STX3: variants seen among roughly 807,000 people sequenced by gnomAD.
STX3 encodes syntaxin 3.
A neutral mutation model predicts 40.2 loss-of-function variants in STX3; 19 were observed. The ratio of observed to expected loss-of-function variants is 0.47; its 90% confidence interval spans 0.33 to 0.69. The LOEUF is 0.69. Ranked by LOEUF, STX3 falls within the 30% of genes least tolerant of loss-of-function variation. The pLI is 0.02. For missense variants in STX3, 364 were observed against 366.7 expected, an observed-to-expected ratio of 0.99 and a Z score of 0.06; for synonymous variants, 122 against 132.2, an observed-to-expected ratio of 0.92 and a Z score of 0.53.
At chr11:59,769,427 A>G (rs898233669) in intron 1 of STX3, among the ~76,000 whole-genome samples, 1 of 152,130 alleles carries the variant, frequency 6.6e-6, no homozygotes, top group African/African-American at 2.4e-5. Flanking sequence ...CAGTCCTCAT[A>G]AAGGTCATAA....
chr11:59,782,521 T>C (rs1182480677), intron 2 of STX3, among the ~76,000 whole-genome samples: 1 of 152,032 alleles, frequency 6.6e-6, no homozygotes, highest in African/African-American at 2.4e-5. Flanking sequence ...AAAGTGGGAG[T>C]TGTGATAATT....
intron 1 of STX3, among the ~76,000 whole-genome samples, chr11:59,759,291 C>CT (rs1270395848): frequency 6.6e-6 from 1 of 152,178 alleles, no homozygotes; most frequent in Non-Finnish European, 1.5e-5. Context: ...CTTAATCACT[C>CT]TCGCATTGGT....
At chr11:59,766,441 G>A (rs1863287239) in intron 1 of STX3, among the ~76,000 whole-genome samples, 1 of 152,092 alleles carries the variant, frequency 6.6e-6, no homozygotes, top group Non-Finnish European at 1.5e-5. Flanking sequence ...AGTGTATAAA[G>A]CAGATAAAAG....
At chr11:59,754,644 C>G (rs1374009092), upstream of STX3, 1 of 152,170 alleles carries the variant, frequency 6.6e-6, no homozygotes, top group African/African-American at 2.4e-5. Flanking sequence ...TATTTTAAAG[C>G]CCCTCCTCGC....
chr11:59,797,252 T>TG (rs1321575523), intron 9 of STX3, 31 bp from the exon 10 acceptor site: 1 of 1,567,634 alleles, frequency 6.4e-7, no homozygotes. Flanking sequence ...TTTGTAATAA[T>TG]GATTTGTTTT....
chr11:59,774,850 A>G (rs1291833060), intron 2 of STX3, among the ~76,000 whole-genome samples: 3 of 122,902 alleles, frequency 2.4e-5, no homozygotes, highest in African/African-American at 3.8e-5. Context: ...CAACAACAAC[A>G]AAAACCAAGA....
intron 2 of STX3, among the ~76,000 whole-genome samples, chr11:59,779,960 G>A (rs1864248165): frequency 2.0e-5 from 3 of 152,192 alleles, no homozygotes; most frequent in Admixed American, 2.0e-4. Flanking sequence ...AATATTGGAT[G>A]ACAATGACCT....
rs1187646132 is a variant in STX3, at chr11:59,802,623, G to T, written c.*1799G>T. On this transcript the variant is annotated 3_prime_UTR_variant, in exon 11 of 11. Coordinates refer to ENST00000337979, the MANE Select transcript of STX3 (RefSeq NM_004177.5). Reference sequence around the variant, plus strand: ...TGGAATACAACATGTGAAGGTTTTTGTTGTTGTTTGTATTTTTTAGATGTA... The same window carrying T: ...TGGAATACAACATGTGAAGGTTTTTTTTGTTGTTTGTATTTTTTAGATGTA... 3 of 985,746 alleles carry T rather than the reference G, an allele frequency of 3.0e-6. No homozygotes were observed. Among genetic ancestry groups the T allele is most frequent in the Non-Finnish European group, 3.6e-6 (3 of 829,870 alleles). The allele number at this position is 985,746 out of a possible 1,614,324, so 61.1% of individuals were successfully genotyped here. A position where few individuals can be genotyped will look rare whatever the true frequency, so the allele number is the denominator to read the frequency against.
intron 4 of STX3, 47 bp downstream of exon 4, chr11:59,788,994 C>T: frequency 6.5e-7 from 1 of 1,527,038 alleles, no homozygotes; most frequent in Non-Finnish European, 8.9e-7. Flanking sequence ...CACCATCTAT[C>T]TCAGCTCCCC....
chr11:59,755,720 A>AG, intron 1 of STX3, 85 bp downstream of exon 1: 1 of 1,434,932 alleles, frequency 7.0e-7, no homozygotes. Context: ...TCGAGGCTGG[A>AG]GGGGGGCCCG....
At position 59,780,465 on chromosome 11, in the gene STX3, A is replaced by G. The variant is rs534571562; in HGVS notation, c.115-6572A>G. On this transcript the variant is annotated intron_variant, in intron 2 of 10. Coordinates refer to ENST00000337979, the MANE Select transcript of STX3 (RefSeq NM_004177.5). Reference sequence around the variant, plus strand: ...GTGTTTAAGCCACCTAGGCTATGGTATTTTTCTTACAGGAACCTGAACAGA... The same window carrying G: ...GTGTTTAAGCCACCTAGGCTATGGTGTTTTTCTTACAGGAACCTGAACAGA... Among the ~76,000 whole-genome samples, 158 of 152,172 alleles carry G rather than the reference A, an allele frequency of 1.0e-3. 1 individual carries two copies. Among genetic ancestry groups the G allele is most frequent in the African/African-American group, 3.5e-3 (146 of 41,510 alleles).
At chr11:59,786,149 T>G (rs1294758776) in intron 2 of STX3, among the ~76,000 whole-genome samples, 3 of 152,198 alleles carry the variant, frequency 2.0e-5, no homozygotes, top group Admixed American at 2.0e-4. Flanking sequence ...CAAGAACATA[T>G]GTGTCCTAGA....
chr11:59,799,697 C>T (rs893255428), intron 10 of STX3: 24 of 985,318 alleles, frequency 2.4e-5, no homozygotes, highest in Non-Finnish European at 2.8e-5. Context: ...TATTCCTCCT[C>T]CTTCCATGTG....
chr11:59,793,912 C>G (rs1309844272), intron 8 of STX3, among the ~76,000 whole-genome samples: 2 of 151,692 alleles, frequency 1.3e-5, no homozygotes, highest in Non-Finnish European at 2.9e-5. Flanking sequence ...TCAAGCAATC[C>G]TCCCAGGATT....
Position 59,802,393 on chromosome 11 carries a change from A to G in STX3, c.*1569A>G, listed in dbSNP as rs1865919252. On this transcript the variant is annotated 3_prime_UTR_variant, in exon 11 of 11. Coordinates refer to ENST00000337979, the MANE Select transcript of STX3 (RefSeq NM_004177.5). ...CTTTAACGCTTTCTAGGATAGGGTA[A>G]GCACCCTTAATTCAGGCACTGTCCA... is the stretch of plus-strand genomic sequence containing the variant. 3.0e-6 allele frequency: 3 copies of G among 985,744 alleles called. No homozygotes were observed. Among genetic ancestry groups the G allele is most frequent in the Non-Finnish European group, 3.6e-6 (3 of 829,966 alleles). 61.1% of individuals were successfully genotyped at this position (985,744 alleles called of 1,614,324 possible).
At chr11:59,794,360 G>A (rs1865394109) in intron 8 of STX3, among the ~76,000 whole-genome samples, 1 of 152,216 alleles carries the variant, frequency 6.6e-6, no homozygotes, top group Admixed American at 6.5e-5. Context: ...GTGCACTGTT[G>A]CCATGAACTT....
chr11:59,785,231 A>G (rs751167330), intron 2 of STX3, among the ~76,000 whole-genome samples: 1 of 152,210 alleles, frequency 6.6e-6, no homozygotes, highest in Non-Finnish European at 1.5e-5. Context: ...CTAAGCCAAT[A>G]TATTTATAGA....
At chr11:59,763,246 C>G (rs1374233889) in intron 1 of STX3, among the ~76,000 whole-genome samples, 1 of 152,094 alleles carries the variant, frequency 6.6e-6, no homozygotes, top group African/African-American at 2.4e-5. Context: ...ATTAGACCAC[C>G]CAGGTTTCTA....
Position 59,794,597 on chromosome 11 carries a change from G to A in STX3, c.676-775G>A, listed in dbSNP as rs369178717. Among the ~76,000 whole-genome samples the A allele has an allele frequency of 6.4e-4, 98 of 152,324 alleles. 3 individuals are homozygous for A. The South Asian group carries it at 0.02, about 31-fold the overall frequency. ...CACTGCCTTGCCGAGGAACTGGCTT[G>A]AGATTCAAGTGGTGGTAAGTGCCTT... On this transcript the variant is annotated intron_variant, in intron 8 of 10. Transcript: ENST00000337979.
Sources: allele counts gnomAD v4.1 joint callset (sites outside exome capture counted in the v4.1 genomes callset), GRCh38; gene constraint gnomAD v4.1.1; transcripts MANE v1.5; gene names NCBI Gene and HGNC (gene_info 2026-07-23, HGNC 2026-07-21).